GRIK1: variants seen among roughly 807,000 people sequenced by gnomAD.
GRIK1 encodes the protein glutamate ionotropic receptor kainate type subunit 1.
In GRIK1, 69 loss-of-function variants were observed where a neutral mutation model predicts 105.7. The ratio of observed to expected loss-of-function variants is 0.65; its 90% CI spans 0.54 to 0.80. The LOEUF (loss-of-function observed/expected upper bound fraction) is 0.80, where lower values mean the gene tolerates loss of function less well. Ranked by LOEUF, GRIK1 falls within the 30% of genes least tolerant of loss-of-function variation. GRIK1 has a pLI of 0.00. For synonymous variants in GRIK1, 438 were observed against 431.3 expected, an observed-to-expected ratio of 1.02 and a Z score of -0.19; for missense variants, 1,109 against 1,167.3, an observed-to-expected ratio of 0.95 and a Z score of 0.73.
chr21:29,827,859 C>T (rs933589513), intron 1 of GRIK1, among the ~76,000 whole-genome samples: 10 of 152,080 alleles, frequency 6.6e-5, no homozygotes, highest in African/African-American at 2.4e-4. Context: ...GGTTCTTCTG[C>T]TGGTCTTGCC....
At position 29,886,585 on chromosome 21, in the gene GRIK1, T is replaced by TA. The variant is rs1046762258; in HGVS notation, c.118+52797dup. On this transcript the variant is annotated intron_variant, in intron 1 of 17. Coordinates refer to ENST00000327783, the MANE Select transcript of GRIK1 (RefSeq NM_001330994.2). ...CTGTAGGGAATTACAACTTCGTACT[T>TA]AAAAAAAAAGTATCTTGTTGTGTGT... Among the ~76,000 whole-genome samples the TA allele has an allele frequency of 3.3e-5, 5 of 151,422 alleles. No individual in the cohort carries two copies. The East Asian group carries it at 5.8e-4, about 18-fold the overall frequency.
intron 15 of GRIK1, among the ~76,000 whole-genome samples, chr21:29,555,824 G>T (rs981856739): frequency 6.6e-5 from 10 of 152,146 alleles, no homozygotes; most frequent in Non-Finnish European, 1.3e-4. Flanking sequence ...CAAGGGTTAA[G>T]TCACACAGCC....
At chr21:29,844,089 G>A (rs1319699956) in intron 1 of GRIK1, among the ~76,000 whole-genome samples, 2 of 152,172 alleles carry the variant, frequency 1.3e-5, no homozygotes, top group African/African-American at 2.4e-5. Flanking sequence ...TCCAGAGTAT[G>A]CACTCAGTGG....
At chr21:29,658,057 T>C (rs993916282) in intron 4 of GRIK1, among the ~76,000 whole-genome samples, 1 of 152,200 alleles carries the variant, frequency 6.6e-6, no homozygotes, top group Admixed American at 6.5e-5. Flanking sequence ...CTAGGCAGTA[T>C]GTATACTTTA....
At chr21:29,888,195 TTCTCTCTC>T (rs780446480) in intron 1 of GRIK1, among the ~76,000 whole-genome samples, 15 of 22,192 alleles carry the variant, frequency 6.8e-4, no homozygotes, top group African/African-American at 9.9e-4. Flanking sequence ...CTTTCTTTCT[TTCTCTCTC>T]TCTCTCTCTC....
intron 12 of GRIK1, among the ~76,000 whole-genome samples, chr21:29,585,248 T>G (rs1174354268): frequency 6.6e-6 from 1 of 151,900 alleles, no homozygotes; most frequent in East Asian, 1.9e-4. Flanking sequence ...AGAAATAAAC[T>G]GAATGAAGTC....
chr21:29,830,048 C>T (rs995358430), intron 1 of GRIK1, among the ~76,000 whole-genome samples: 1 of 152,100 alleles, frequency 6.6e-6, no homozygotes, highest in African/African-American at 2.4e-5. Context: ...AAATATGAAT[C>T]ATTTTGTGAA....
intron 1 of GRIK1, among the ~76,000 whole-genome samples, chr21:29,775,649 C>T (rs461119): frequency 0.61 from 92,302 of 152,020 alleles, 29,529 homozygotes; most frequent in South Asian, 0.71. Context: ...CCATGGTGAG[C>T]CCTTTCCAAC....
intron 1 of GRIK1, among the ~76,000 whole-genome samples, chr21:29,772,232 T>C (rs1264052804): frequency 1.3e-5 from 2 of 152,206 alleles, no homozygotes; most frequent in African/African-American, 2.4e-5. Flanking sequence ...GAAAATCAAC[T>C]GAATACAATT....
chr21:29,917,370 T>C (rs2071033486), intron 1 of GRIK1, among the ~76,000 whole-genome samples: 1 of 152,068 alleles, frequency 6.6e-6, no homozygotes, highest in Non-Finnish European at 1.5e-5. Flanking sequence ...CTGTTTCTGC[T>C]GCCATTTTAC....
At chr21:29,598,569 G>T (rs1306205497) in intron 8 of GRIK1, among the ~76,000 whole-genome samples, 2 of 152,120 alleles carry the variant, frequency 1.3e-5, no homozygotes, top group Non-Finnish European at 2.9e-5. Flanking sequence ...GGTTATATAT[G>T]TAATAATATA....
chr21:29,925,086 G>A lies in GRIK1; in HGVS notation c.118+14297C>T, dbSNP rs57501139. Among the ~76,000 whole-genome samples, 436 of 152,308 alleles carry A rather than the reference G, an allele frequency of 2.9e-3. 1 individual carries two copies. The highest frequency in any genetic ancestry group is 9.8e-3 in the African/African-American group (406 of 41,560). ...TTTGTAGAAGTGTTCTTATTACTACGTGATGCCTTGTCATAGAGTTGTATT... is the reference window on the plus strand; with the variant it reads ...TTTGTAGAAGTGTTCTTATTACTACATGATGCCTTGTCATAGAGTTGTATT... On this transcript the variant is annotated intron_variant, in intron 1 of 17. Transcript: ENST00000327783.
chr21:29,808,651 G>A (rs1388101947), intron 1 of GRIK1, among the ~76,000 whole-genome samples: 1 of 152,148 alleles, frequency 6.6e-6, no homozygotes, highest in Non-Finnish European at 1.5e-5. Flanking sequence ...CCTCCTTCAT[G>A]CTTTGGCTCT....
chr21:29,580,140 T>C (rs1202800489), intron 13 of GRIK1, among the ~76,000 whole-genome samples: 7 of 143,436 alleles, frequency 4.9e-5, no homozygotes, highest in East Asian at 2.0e-4. Flanking sequence ...CACATATATA[T>C]ACATATATAT....
intron 1 of GRIK1, among the ~76,000 whole-genome samples, chr21:29,853,082 C>T (rs1370715348): frequency 6.6e-6 from 1 of 152,218 alleles, no homozygotes; most frequent in Non-Finnish European, 1.5e-5. Context: ...ATTGTAGCCT[C>T]ACTGAACAAT....
chr21:29,578,551 G>T (rs759772719), intron 13 of GRIK1, among the ~76,000 whole-genome samples: 9 of 152,194 alleles, frequency 5.9e-5, no homozygotes, highest in Non-Finnish European at 1.0e-4. Flanking sequence ...TTCTCCTAAT[G>T]CTATTACGTA....
At chr21:29,679,217 T>C (rs1212408203) in intron 3 of GRIK1, among the ~76,000 whole-genome samples, 1 of 152,222 alleles carries the variant, frequency 6.6e-6, no homozygotes, top group Admixed American at 6.5e-5. Context: ...TTAGGGATGC[T>C]ATTCTCATTT....
chr21:29,891,708 A>G (rs1303939932), intron 1 of GRIK1, among the ~76,000 whole-genome samples: 1 of 152,216 alleles, frequency 6.6e-6, no homozygotes, highest in East Asian at 1.9e-4. Context: ...GAGGTTAGGT[A>G]TAGGGAAAAA....
chr21:29,893,455 A>G (rs2069983937), intron 1 of GRIK1, among the ~76,000 whole-genome samples: 1 of 152,216 alleles, frequency 6.6e-6, no homozygotes, highest in Non-Finnish European at 1.5e-5. Context: ...CTCACAAGCA[A>G]TGAAAACTTG....
Sources: gnomAD v4.1 joint callset for allele counts (sites outside exome capture counted in the v4.1 genomes callset) on GRCh38, gnomAD v4.1.1 for gene constraint, MANE v1.5 for transcripts, NCBI Gene and HGNC (gene_info 2026-07-23, HGNC 2026-07-21) for gene names.